Variants in GFRA2 observed in about 807,000 individuals in gnomAD.
The protein encoded by GFRA2 is GDNF family receptor alpha 2.
A neutral mutation model predicts 48.3 loss-of-function variants in GFRA2; 17 were observed. That is an observed-to-expected ratio of 0.35 (90% confidence interval 0.24 to 0.53). GFRA2 has a LOEUF of 0.53. GFRA2 is among the 20% of genes least tolerant of loss of function. The pLI, the probability that GFRA2 is intolerant of heterozygous loss-of-function variation, is 0.93. For synonymous variants in GFRA2, 305 were observed against 257.2 expected (o/e 1.19, Z -1.78); for missense variants, 660 against 637.3 (o/e 1.04, Z -0.38).
In GFRA2 at chr8:21,704,678, C is replaced by T. The variant is rs149595421; in HGVS notation, c.1045+307G>A. Among the ~76,000 whole-genome samples, 439 of 152,270 alleles carry T rather than the reference C, an allele frequency of 2.9e-3. 3 individuals are homozygous for T. The highest frequency in any genetic ancestry group is 9.5e-3 in the African/African-American group (396 of 41,554). ...TAAAGGGAGACATGACAGATGCCAG[C>T]GATCCTCATGAGAGGGCTCAGTCTC... On this transcript the variant is annotated intron_variant, in intron 6 of 8. Transcript: ENST00000524240.
At chr8:21,787,768 AT>A (rs1295012805) in intron 1 of GFRA2, among the ~76,000 whole-genome samples, 13 of 151,676 alleles carry the variant, frequency 8.6e-5, no homozygotes, top group African/African-American at 3.1e-4. Context: ...AGAGTTGGAT[AT>A]TTTTTTTTCT....
rs763225441 is a variant in GFRA2, at chr8:21,788,735, T to G, written c.-576A>C. The G allele has an allele frequency of 0.067, 66,067 of 985,386 alleles. 2,425 individuals carry two copies. Among genetic ancestry groups the G allele is most frequent in the Middle Eastern group, 0.074 (142 of 1,914 alleles). 61.0% of individuals were successfully genotyped at this position (985,386 alleles called of 1,614,324 possible). The stretch of plus-strand genomic sequence containing the variant: ...GAAGACAAGATTCAAAAAAATCTTC[T>G]CCCGCTAACCCTTGCTCGGCTCACT... On this transcript the variant is annotated 5_prime_UTR_variant, in exon 1 of 9. Coordinates refer to ENST00000524240, the MANE Select transcript of GFRA2 (RefSeq NM_001495.5).
chr8:21,707,025 G>T (rs973723277), intron 4 of GFRA2, among the ~76,000 whole-genome samples: 6 of 152,184 alleles, frequency 3.9e-5, no homozygotes, highest in African/African-American at 1.4e-4. Flanking sequence ...CCTTCTACAG[G>T]TGAGTGTCCT....
At chr8:21,737,584 C>T (rs1203815329) in intron 4 of GFRA2, among the ~76,000 whole-genome samples, 2 of 152,114 alleles carry the variant, frequency 1.3e-5, no homozygotes, top group African/African-American at 2.4e-5. Context: ...CTTACGCGCA[C>T]AGACTCTCCT....
At chr8:21,803,933 T>G (rs1807813779) in intron 2 of GFRA2, among the ~76,000 whole-genome samples, 1 of 152,224 alleles carries the variant, frequency 6.6e-6, no homozygotes, top group East Asian at 1.9e-4. Flanking sequence ...AGTGAACACT[T>G]ACTGTGTGCA....
intron 4 of GFRA2, among the ~76,000 whole-genome samples, chr8:21,742,376 T>C (rs1296521712): frequency 6.6e-6 from 1 of 152,128 alleles, no homozygotes; most frequent in East Asian, 1.9e-4. Flanking sequence ...ACAAAGACCA[T>C]ACGAGGACGT....
chr8:21,773,517 G>A (rs896250115), intron 3 of GFRA2, among the ~76,000 whole-genome samples: 3 of 152,340 alleles, frequency 2.0e-5, no homozygotes, highest in African/African-American at 4.8e-5. Flanking sequence ...AAGGACGGGC[G>A]TCACCTCAAG....
intron 3 of GFRA2, among the ~76,000 whole-genome samples, chr8:21,772,499 C>G (rs952296595): frequency 1.3e-5 from 2 of 152,220 alleles, no homozygotes; most frequent in South Asian, 4.2e-4. Context: ...GTAGCAGGGC[C>G]GGGGCCTCCC....
chr8:21,784,322 GC>G (rs1364089935), intron 1 of GFRA2: 1 of 456,124 alleles, frequency 2.2e-6, no homozygotes, highest in African/African-American at 2.0e-5. Context: ...ATGGCCCAGA[GC>G]CATGACTGCC....
Position 21,702,785 on chromosome 8 carries a change from C to T in GFRA2, c.1218+20G>A, listed in dbSNP as rs948697859. ...CCGGTGCCATGGTGCTCCCCCCACGCCTCAGCCACACACCCTCACCTGGAC... is the reference window on the plus strand; with the variant it reads ...CCGGTGCCATGGTGCTCCCCCCACGTCTCAGCCACACACCCTCACCTGGAC... On this transcript the variant is annotated intron_variant, in intron 7 of 8. Coordinates refer to ENST00000524240, the MANE Select transcript of GFRA2 (RefSeq NM_001495.5). 9 of 1,572,488 alleles carry T rather than the reference C, an allele frequency of 5.7e-6. No homozygotes were observed. Among genetic ancestry groups the T allele is most frequent in the Non-Finnish European group, 7.7e-6 (9 of 1,162,404 alleles).
At position 21,692,489 on chromosome 8, in the gene GFRA2, G is replaced by C. The variant is rs1328320211; in HGVS notation, c.*789C>G. 6.6e-6 allele frequency: 1 copy of C among 151,976 alleles called. No homozygotes were observed. The highest frequency in any genetic ancestry group is 2.4e-5 in the African/African-American group (1 of 41,366). The allele number at this position is 151,976 out of a possible 1,614,324, so 9.4% of individuals were successfully genotyped here. On this transcript the variant is annotated 3_prime_UTR_variant, in exon 9 of 9. Coordinates refer to ENST00000524240, the MANE Select transcript of GFRA2 (RefSeq NM_001495.5). ...GCCAAAGGACCCACGAGAAAGCAAA[G>C]AAGCCAACAAAGGACCGTTTCTCTC...
chr8:21,744,230 C>G (rs1302829453), intron 4 of GFRA2, among the ~76,000 whole-genome samples: 1 of 152,166 alleles, frequency 6.6e-6, no homozygotes, highest in East Asian at 1.9e-4. Context: ...TTCCCACCCC[C>G]TGAGGACAGC....
chr8:21,760,552 G>A (rs1368486974), intron 3 of GFRA2, among the ~76,000 whole-genome samples: 2 of 152,234 alleles, frequency 1.3e-5, no homozygotes, highest in Admixed American at 1.3e-4. Flanking sequence ...AAGGAAAGAA[G>A]AGAGGCAGAA....
At chr8:21,802,057 C>T (rs1424394818) in intron 2 of GFRA2, among the ~76,000 whole-genome samples, 4 of 152,248 alleles carry the variant, frequency 2.6e-5, no homozygotes, top group Non-Finnish European at 5.9e-5. Context: ...ATGTGGGACT[C>T]CTGACTGGCA....
rs73552673 is a variant in GFRA2 at position 21,713,650 on chromosome 8, G to A, written c.795-7609C>T. ...GTCACTGGTTCTCAAAGTGTGGTCCGCAGACCAAAAGCATCATATCAACTG... is the reference window on the plus strand; with the variant it reads ...GTCACTGGTTCTCAAAGTGTGGTCCACAGACCAAAAGCATCATATCAACTG... On this transcript the variant is annotated intron_variant, in intron 4 of 8. Coordinates refer to ENST00000524240, the MANE Select transcript of GFRA2 (RefSeq NM_001495.5). Among the ~76,000 whole-genome samples, 429 of 152,160 alleles carry A rather than the reference G, an allele frequency of 2.8e-3. 2 individuals carry two copies. Among genetic ancestry groups the A allele is most frequent in the African/African-American group, 9.5e-3 (394 of 41,508 alleles).
chr8:21,725,036 C>A (rs1469502679), intron 4 of GFRA2, among the ~76,000 whole-genome samples: 1 of 152,220 alleles, frequency 6.6e-6, no homozygotes, highest in Non-Finnish European at 1.5e-5. Context: ...ACACTGCAAA[C>A]CTTCCCCAAA....
chr8:21,766,305 CAT>C (rs965784595), intron 3 of GFRA2, among the ~76,000 whole-genome samples: 6 of 152,028 alleles, frequency 3.9e-5, no homozygotes, highest in African/African-American at 7.3e-5. Flanking sequence ...CACTATCTCA[CAT>C]GTCTTGTTAA....
chr8:21,711,825 G>A (rs1449003075), intron 4 of GFRA2, among the ~76,000 whole-genome samples: 1 of 152,034 alleles, frequency 6.6e-6, no homozygotes, highest in South Asian at 2.1e-4. Context: ...AGAGGACCCT[G>A]CGGCCTTCCG....
chr8:21,698,360 A>G (rs1802312708), intron 7 of GFRA2, among the ~76,000 whole-genome samples: 1 of 152,194 alleles, frequency 6.6e-6, no homozygotes, highest in South Asian at 2.1e-4. Context: ...GGCATGCTTC[A>G]TCCTTCCATA....
Sources: gnomAD v4.1 joint callset for allele counts (sites outside exome capture counted in the v4.1 genomes callset) on GRCh38, gnomAD v4.1.1 for gene constraint, MANE v1.5 for transcripts, NCBI Gene and HGNC (gene_info 2026-07-23, HGNC 2026-07-21) for gene names.